Variants in ACSL5 observed in about 807,000 individuals in gnomAD.
ACSL5 encodes acyl-CoA synthetase long chain family member 5.
A neutral mutation model predicts 84.9 loss-of-function variants in ACSL5; 50 were observed. That is an observed-to-expected ratio of 0.59 (90% confidence interval 0.47 to 0.75). The LOEUF (loss-of-function observed/expected upper bound fraction) is 0.75. Among genes scored for constraint, ACSL5 ranks in the 30% least tolerant of loss-of-function variants. The pLI is 0.00. For missense variants in ACSL5, 775 were observed against 830.4 expected (o/e 0.93, Z 0.82); for synonymous variants, 280 against 300.7 (o/e 0.93, Z 0.71).
Position 112,413,228 on chromosome 10 carries a change from T to G in ACSL5, c.1004T>G (p.Leu335Trp). Residue 335 changes from leucine (L) to tryptophan (W), a missense_variant, in exon 12 of 21, where the codon TTG becomes TGG. Transcript: ENST00000354655. ...RVGFFQGDIRLLADDMKTLKP... is the reference protein window; with the variant it reads ...RVGFFQGDIRWLADDMKTLKP... ...GGATTCTTCCAAGGGGATATTCGGTTGCTGGCTGACGACATGAAGACTTTG... is the reference window on the plus strand; with the variant it reads ...GGATTCTTCCAAGGGGATATTCGGTGGCTGGCTGACGACATGAAGACTTTG... 1 of 1,614,230 alleles carries G rather than the reference T, an allele frequency of 6.2e-7. No homozygotes were observed. Among genetic ancestry groups the G allele is most frequent in the South Asian group, 1.1e-5 (1 of 91,084 alleles).
In ACSL5 at chr10:112,398,061, T is replaced by A; in HGVS notation, c.157-840T>A. On this transcript the variant is annotated intron_variant, in intron 2 of 20. Transcript: ENST00000354655. ...CTTTTCTTTTTTTTTTTTTTTTTTT[T>A]TTTTTTTTTTTTTTTTTTTTTTGAG... is the stretch of plus-strand genomic sequence containing the variant. Among the ~76,000 whole-genome samples the A allele has an allele frequency of 2.9e-4, 2 of 6,830 alleles. 1 individual carries two copies. The highest frequency in any genetic ancestry group is 6.0e-4 in the Non-Finnish European group (2 of 3,358). 4.5% of individuals were successfully genotyped at this position (6,830 alleles called of 152,430 possible).
In ACSL5 at chr10:112,397,450, G is replaced by A. The variant is rs558624495; in HGVS notation, c.157-1451G>A. Among the ~76,000 whole-genome samples the A allele has an allele frequency of 2.6e-5, 4 of 152,222 alleles. No homozygotes were observed. In the East Asian group the frequency reaches 5.8e-4, roughly 22 times the overall value. ...CTCTCAAAGTGCTGAAATTACAGGCGTGAGCCACAGCGCCCAGCCAGCTAA... is the reference window on the plus strand; with the variant it reads ...CTCTCAAAGTGCTGAAATTACAGGCATGAGCCACAGCGCCCAGCCAGCTAA... On this transcript the variant is annotated intron_variant, in intron 2 of 20. Transcript: ENST00000354655.
At chr10:112,392,070 A>G (rs1189137667) in intron 1 of ACSL5, among the ~76,000 whole-genome samples, 1 of 152,262 alleles carries the variant, frequency 6.6e-6, no homozygotes, top group Non-Finnish European at 1.5e-5. Context: ...AAGAGGGCAG[A>G]AATCCTTAGT....
At chr10:112,418,495 T>G (rs1447376616) in intron 14 of ACSL5, among the ~76,000 whole-genome samples, 1 of 152,030 alleles carries the variant, frequency 6.6e-6, no homozygotes, top group East Asian at 1.9e-4. Flanking sequence ...GGCGGGAGAA[T>G]GGCGTGAACC....
At chr10:112,384,525 T>G (rs1849412687) in intron 1 of ACSL5, among the ~76,000 whole-genome samples, 1 of 152,192 alleles carries the variant, frequency 6.6e-6, no homozygotes, top group Non-Finnish European at 1.5e-5. Flanking sequence ...GTTTTGTTTT[T>G]GAGACAGAGT....
intron 3 of ACSL5, among the ~76,000 whole-genome samples, chr10:112,403,126 A>G (rs1017783471): frequency 1.3e-5 from 2 of 152,228 alleles, no homozygotes; most frequent in African/African-American, 4.8e-5. Flanking sequence ...ACAAGCCTTG[A>G]TATCTTAGAA....
At chr10:112,378,163 G>A (rs916790394) in intron 1 of ACSL5, among the ~76,000 whole-genome samples, 2 of 149,026 alleles carry the variant, frequency 1.3e-5, no homozygotes, top group Non-Finnish European at 3.0e-5. Context: ...GGAAGATGAA[G>A]CCAGGGAAGT....
chr10:112,376,258 C>T (rs1000171729), intron 1 of ACSL5: 1 of 1,608,392 alleles, frequency 6.2e-7, no homozygotes, highest in Non-Finnish European at 8.5e-7. Context: ...TGACTCGGGA[C>T]AGCTCAGAGC....
At chr10:112,376,690 C>T (rs1373390933) in intron 1 of ACSL5, among the ~76,000 whole-genome samples, 1 of 151,966 alleles carries the variant, frequency 6.6e-6, no homozygotes, top group Non-Finnish European at 1.5e-5. Context: ...TTCCTTCTCT[C>T]GACTCTCTTG....
intron 5 of ACSL5, among the ~76,000 whole-genome samples, chr10:112,407,097 T>C (rs1207840602): frequency 6.6e-6 from 1 of 152,174 alleles, no homozygotes; most frequent in South Asian, 2.1e-4. Context: ...ATGGGACTTA[T>C]TTACTATCAT....
At chr10:112,394,800 G>C (rs1564733876) in intron 1 of ACSL5, 118 bp from the exon 2 acceptor site, 6 of 1,504,036 alleles carry the variant, frequency 4.0e-6, no homozygotes, top group Admixed American at 2.1e-5. Context: ...GGGTTTGAAG[G>C]CGTGCGCGCG....
chr10:112,414,352 CTTTTTTT>C (rs34464188), intron 12 of ACSL5, among the ~76,000 whole-genome samples: 2 of 85,502 alleles, frequency 2.3e-5, no homozygotes, highest in Non-Finnish European at 2.2e-5. Flanking sequence ...TTCAGTGATT[CTTTTTTT>C]TTTTTTTTTT....
At chr10:112,386,181 CTTTTTTTTTTTTTT>C (rs11286757) in intron 1 of ACSL5, among the ~76,000 whole-genome samples, 73 of 71,836 alleles carry the variant, frequency 1.0e-3, no homozygotes, top group African/African-American at 3.9e-3. Flanking sequence ...TCCTATAGCT[CTTTTTTTTTTTTTT>C]TTTTTTTTTT....
intron 15 of ACSL5, 109 bp downstream of exon 15, chr10:112,421,774 A>T: frequency 1.5e-6 from 2 of 1,365,870 alleles, no homozygotes; most frequent in Non-Finnish European, 2.1e-6. Flanking sequence ...TAATGTGGCA[A>T]ATGCAAAATT....
intron 1 of ACSL5, among the ~76,000 whole-genome samples, chr10:112,389,247 C>T (rs1849511709): frequency 6.6e-6 from 1 of 152,238 alleles, no homozygotes; most frequent in Admixed American, 6.5e-5. Flanking sequence ...AGGCAGAAGG[C>T]GTCCTTCAGC....
intron 1 of ACSL5, among the ~76,000 whole-genome samples, chr10:112,391,499 A>C (rs947953564): frequency 6.6e-6 from 1 of 152,316 alleles, no homozygotes; most frequent in East Asian, 1.9e-4. Context: ...TCCTTCCTTC[A>C]TTGTCTTCCT....
rs531076029 is a variant in ACSL5, at chr10:112,391,848, A to G, written c.-29-3070A>G. Among the ~76,000 whole-genome samples, 235 of 152,338 alleles carry G rather than the reference A, an allele frequency of 1.5e-3. 5 individuals are homozygous for G. Among genetic ancestry groups the G allele is most frequent in the Non-Finnish European group, 1.9e-4 (13 of 68,028 alleles). On this transcript the variant is annotated intron_variant, in intron 1 of 20. Transcript: ENST00000354655. ...CATAGTATTGTTACTATATGGTAAC[A>G]ATCACCTGAGATTGACAGCAGGTGC...
At position 112,411,918 on chromosome 10, in the gene ACSL5, C is replaced by A. The variant is rs142841880; in HGVS notation, c.887C>A (p.Thr296Asn). The change falls in exon 11 of 21, where the codon ACT becomes AAT. Residue 296 changes from threonine (T) to asparagine (N), a missense_variant. Coordinates refer to ENST00000354655, the MANE Select transcript of ACSL5 (RefSeq NM_203379.2). ...LKCVEHAYEPTPDDVAISYLP... is the reference protein window; with the variant it reads ...LKCVEHAYEPNPDDVAISYLP... ...CCTACATAGCATGCTTATGAGCCCA[C>A]TCCTGATGATGTGGCCATATCCTAC... The A allele has an allele frequency of 1.3e-5, 21 of 1,613,952 alleles. No individual in the cohort carries two copies. Among genetic ancestry groups the A allele is most frequent in the Non-Finnish European group, 1.7e-5 (20 of 1,179,812 alleles).
At chr10:112,418,448 G>C (rs1170069764) in intron 14 of ACSL5, among the ~76,000 whole-genome samples, 2 of 152,262 alleles carry the variant, frequency 1.3e-5, no homozygotes, top group East Asian at 1.9e-4. Context: ...TGGGCGTGGT[G>C]GTGGGCGCCT....
Sources: gnomAD v4.1 joint callset for allele counts (sites outside exome capture counted in the v4.1 genomes callset) on GRCh38, gnomAD v4.1.1 for gene constraint, MANE v1.5 for transcripts, NCBI Gene and HGNC (gene_info 2026-07-23, HGNC 2026-07-21) for gene names.